PCDH9: variants seen among roughly 807,000 people sequenced by gnomAD.
PCDH9 encodes protocadherin-9.
Under a neutral mutation model 70.6 loss-of-function variants are expected in PCDH9, and 24 were observed. That is an observed-to-expected ratio of 0.34 (90% CI 0.25 to 0.48). The LOEUF (loss-of-function observed/expected upper bound fraction) is 0.48. Among genes scored for constraint, PCDH9 ranks in the 20% least tolerant of loss-of-function variants. PCDH9 has a pLI of 0.99. For missense variants in PCDH9, 1,281 were observed against 1,503.6 expected, an observed-to-expected ratio of 0.85 and a Z score of 2.45; for synonymous variants, 562 against 558.5, an observed-to-expected ratio of 1.01 and a Z score of -0.09.
At chr13:66,793,924 T>G (rs1328665222) in intron 3 of PCDH9, among the ~76,000 whole-genome samples, 1 of 152,162 alleles carries the variant, frequency 6.6e-6, no homozygotes, top group African/African-American at 2.4e-5. Context: ...TTAAATTTGT[T>G]TTTACACTAT....
At chr13:66,722,752 C>T (rs2324962) in intron 3 of PCDH9, among the ~76,000 whole-genome samples, 1 of 151,732 alleles carries the variant, frequency 6.6e-6, no homozygotes, top group Non-Finnish European at 1.5e-5. Context: ...CTGATCACCT[C>T]AGGTCAGGAG....
intron 4 of PCDH9, among the ~76,000 whole-genome samples, chr13:66,523,259 C>T (rs1960076286): frequency 6.6e-6 from 1 of 152,000 alleles, no homozygotes; most frequent in Non-Finnish European, 1.5e-5. Flanking sequence ...ATAGAATTTA[C>T]ACTATGCCAG....
intron 3 of PCDH9, among the ~76,000 whole-genome samples, chr13:66,808,745 T>C (rs1027883983): frequency 2.0e-5 from 3 of 152,166 alleles, no homozygotes; most frequent in Non-Finnish European, 4.4e-5. Flanking sequence ...TTAATACTAT[T>C]AGTCATTGTT....
chr13:66,819,031 T>G (rs991121281), intron 3 of PCDH9, among the ~76,000 whole-genome samples: 4 of 152,014 alleles, frequency 2.6e-5, no homozygotes, highest in African/African-American at 9.7e-5. Context: ...TTAAAATGGG[T>G]GTCAATATGC....
chr13:67,042,284 TA>T lies in PCDH9; in HGVS notation c.3037-138680del, dbSNP rs2085135825. Among the ~76,000 whole-genome samples, 3 of 152,136 alleles carry T rather than the reference TA, an allele frequency of 2.0e-5. No homozygotes were observed. In the South Asian group the frequency reaches 6.2e-4, roughly 32 times the overall value. ...GGGTAATTTATAAAGGAAAGATGTT[TA>T]ATTGACTACTCACAGTGCAACATGG... On this transcript the variant is annotated intron_variant, in intron 2 of 4. Coordinates refer to ENST00000377865, the MANE Select transcript of PCDH9 (RefSeq NM_203487.3).
At chr13:66,707,161 G>A (rs375246156) in intron 3 of PCDH9, among the ~76,000 whole-genome samples, 2 of 152,178 alleles carry the variant, frequency 1.3e-5, no homozygotes, top group Non-Finnish European at 2.9e-5. Flanking sequence ...AACCTAGCAT[G>A]GTCATACTTG....
chr13:66,530,900 CTGA>C (rs1388155278), intron 4 of PCDH9, among the ~76,000 whole-genome samples: 3 of 151,932 alleles, frequency 2.0e-5, no homozygotes, highest in African/African-American at 7.2e-5. Flanking sequence ...GTGAAAATCA[CTGA>C]CTTTTACCAC....
At chr13:66,411,648 T>G (rs908834266) in intron 4 of PCDH9, among the ~76,000 whole-genome samples, 1 of 120,396 alleles carries the variant, frequency 8.3e-6, no homozygotes, top group Admixed American at 8.1e-5. Context: ...AGATGATGGA[T>G]AGATAGATAG....
At chr13:66,507,753 G>A (rs1959254892) in intron 4 of PCDH9, among the ~76,000 whole-genome samples, 1 of 151,650 alleles carries the variant, frequency 6.6e-6, no homozygotes, top group African/African-American at 2.4e-5. Flanking sequence ...ATGGTGTCTT[G>A]CTCTGGCGCC....
chr13:66,481,006 T>C (rs1958824958), intron 4 of PCDH9, among the ~76,000 whole-genome samples: 1 of 152,112 alleles, frequency 6.6e-6, no homozygotes, highest in Non-Finnish European at 1.5e-5. Flanking sequence ...TCATGTCCTT[T>C]GCAGGGACAT....
chr13:67,013,060 T>TCA (rs1270292337), intron 2 of PCDH9, among the ~76,000 whole-genome samples: 1 of 151,924 alleles, frequency 6.6e-6, no homozygotes, highest in African/African-American at 2.4e-5. Flanking sequence ...ATAGCTGTGA[T>TCA]CATATAGTAG....
At chr13:66,663,053 AACAGTCTCT>A (rs1304788968) in intron 3 of PCDH9, among the ~76,000 whole-genome samples, 2 of 152,220 alleles carry the variant, frequency 1.3e-5, no homozygotes, top group Non-Finnish European at 2.9e-5. Context: ...TATAAGGAAA[AACAGTCTCT>A]ATAGGAGAAT....
chr13:67,035,697 G>A (rs2084996033), intron 2 of PCDH9, among the ~76,000 whole-genome samples: 1 of 151,706 alleles, frequency 6.6e-6, no homozygotes, highest in Admixed American at 6.6e-5. Flanking sequence ...CTTTTCTTGA[G>A]ATCAAGGTCT....
At position 66,925,648 on chromosome 13, in the gene PCDH9, A is replaced by T. The variant is rs116736662; in HGVS notation, c.3037-22043T>A. Reference sequence around the variant, plus strand: ...TTTCTTTATTCATATTGCATATTAAATGCCTCTTTCTAAATAGCATATTTG... The same window carrying T: ...TTTCTTTATTCATATTGCATATTAATTGCCTCTTTCTAAATAGCATATTTG... On this transcript the variant is annotated intron_variant, in intron 2 of 4. Coordinates refer to ENST00000377865, the MANE Select transcript of PCDH9 (RefSeq NM_203487.3). Among the ~76,000 whole-genome samples the T allele has an allele frequency of 7.9e-3, 1,201 of 152,012 alleles. 17 individuals carry two copies. The highest frequency in any genetic ancestry group is 0.028 in the African/African-American group (1,145 of 41,520).
At chr13:66,824,303 GTATATATATA>G (rs60742942) in intron 3 of PCDH9, among the ~76,000 whole-genome samples, 4,954 of 127,424 alleles carry the variant, frequency 0.039, 111 homozygotes, top group Middle Eastern at 0.061. Context: ...TTGTTTGAAA[GTATATATATA>G]TATATATATA....
intron 4 of PCDH9, among the ~76,000 whole-genome samples, chr13:66,561,304 C>T (rs186559467): frequency 6.6e-6 from 1 of 152,230 alleles, no homozygotes; most frequent in Admixed American, 6.5e-5. Context: ...GGCTTCCCCC[C>T]ACCCACTCTG....
chr13:66,940,632 C>A (rs1271853542), intron 2 of PCDH9, among the ~76,000 whole-genome samples: 1 of 151,206 alleles, frequency 6.6e-6, no homozygotes, highest in East Asian at 1.9e-4. Flanking sequence ...TATGTTAAGC[C>A]CCGAGAAACA....
chr13:66,988,055 T>C (rs1474658118), intron 2 of PCDH9, among the ~76,000 whole-genome samples: 1 of 151,806 alleles, frequency 6.6e-6, no homozygotes, highest in African/African-American at 2.4e-5. Context: ...TGTGGCACTA[T>C]GGTCAGCTAA....
chr13:66,738,259 C>T lies in PCDH9; in HGVS notation c.3139-106848G>A, dbSNP rs1452879822. ...TGACACCTCACACGGCAGGGTATTC[C>T]AACAGACCTGCAGCTGAGGGTGCTG... On this transcript the variant is annotated intron_variant, in intron 3 of 4. Coordinates refer to ENST00000377865, the MANE Select transcript of PCDH9 (RefSeq NM_203487.3). Among the ~76,000 whole-genome samples, 18 of 151,292 alleles carry T rather than the reference C, an allele frequency of 1.2e-4. No individual in the cohort carries two copies. In the East Asian group the frequency reaches 1.8e-3, roughly 15 times the overall value.
Sources: allele counts gnomAD v4.1 joint callset (sites outside exome capture counted in the v4.1 genomes callset), GRCh38; gene constraint gnomAD v4.1.1; transcripts MANE v1.5; gene names NCBI Gene and HGNC (gene_info 2026-07-23, HGNC 2026-07-21).